The following ADGRL2 variants were observed in gnomAD, a reference collection of about 807,000 sequenced individuals.
The protein encoded by ADGRL2 is adhesion G protein-coupled receptor L2.
Under a neutral mutation model 157.4 loss-of-function variants are expected in ADGRL2, and 44 were observed. That is an observed-to-expected ratio of 0.28 (90% CI 0.22 to 0.36). The LOEUF (loss-of-function observed/expected upper bound fraction) is 0.36, where lower values mean the gene tolerates loss of function less well. Among genes scored for constraint, ADGRL2 ranks in the 10% least tolerant of loss-of-function variants. ADGRL2 has a pLI of 1.00. For missense variants in ADGRL2, 1,510 were observed against 1,768.9 expected, an observed-to-expected ratio of 0.85 and a Z score of 2.63; for synonymous variants, 585 against 624.7, an observed-to-expected ratio of 0.94 and a Z score of 0.95.
intron 3 of ADGRL2, among the ~76,000 whole-genome samples, chr1:81,928,883 C>T (rs1397302380): frequency 2.0e-5 from 3 of 151,272 alleles, no homozygotes; most frequent in Non-Finnish European, 4.4e-5. Context: ...TTAACTGAGA[C>T]AGACAGAAAG....
chr1:81,332,349 A>G (rs1192050244), intron 1 of ADGRL2, among the ~76,000 whole-genome samples: 1 of 152,156 alleles, frequency 6.6e-6, no homozygotes, highest in Non-Finnish European at 1.5e-5. Context: ...TATTATTAGT[A>G]TATTTGATCA....
chr1:81,323,512 C>A (rs1190200027), intron 1 of ADGRL2, among the ~76,000 whole-genome samples: 1 of 150,756 alleles, frequency 6.6e-6, no homozygotes, highest in Non-Finnish European at 1.5e-5. Context: ...CTCAGACTCC[C>A]AAAATGCTGG....
chr1:81,910,065 C>T (rs1197060305), intron 3 of ADGRL2, among the ~76,000 whole-genome samples: 5 of 151,790 alleles, frequency 3.3e-5, no homozygotes, highest in Non-Finnish European at 7.4e-5. Flanking sequence ...CATGGTGAAA[C>T]CCTGTCTCTA....
chr1:81,928,678 G>C (rs887778723), intron 3 of ADGRL2, among the ~76,000 whole-genome samples: 3 of 152,208 alleles, frequency 2.0e-5, no homozygotes, highest in African/African-American at 7.2e-5. Context: ...TTAAAGAACA[G>C]ATTCATATTG....
chr1:81,711,443 G>A (rs1570920096), intron 1 of ADGRL2, among the ~76,000 whole-genome samples: 1 of 152,212 alleles, frequency 6.6e-6, no homozygotes, highest in East Asian at 1.9e-4. Flanking sequence ...TCGGTAGTCT[G>A]TGAAAGTGCT....
chr1:81,589,655 C>T (rs2081094445), intron 3 of ADGRL2, among the ~76,000 whole-genome samples: 1 of 152,078 alleles, frequency 6.6e-6, no homozygotes, highest in Admixed American at 6.6e-5. Flanking sequence ...ACCTATGTAT[C>T]CTTTAAATCT....
chr1:81,618,611 A>G (rs2081716629), intron 3 of ADGRL2, among the ~76,000 whole-genome samples: 1 of 152,232 alleles, frequency 6.6e-6, no homozygotes, highest in Non-Finnish European at 1.5e-5. Flanking sequence ...GACTGTTCAC[A>G]TAGCAAATAG....
intron 1 of ADGRL2, among the ~76,000 whole-genome samples, chr1:81,428,082 A>T (rs1030463792): frequency 1.1e-4 from 16 of 152,190 alleles, no homozygotes; most frequent in African/African-American, 3.9e-4. Flanking sequence ...TAACAAGATC[A>T]TTGTTAATTA....
chr1:81,959,974 A>G (rs189959270), intron 11 of ADGRL2, among the ~76,000 whole-genome samples: 1 of 151,894 alleles, frequency 6.6e-6, no homozygotes. Context: ...CTAATTTTGT[A>G]TTTTTAGTTA....
At chr1:81,310,356 G>C (rs576166424) in intron 1 of ADGRL2, among the ~76,000 whole-genome samples, 1 of 152,254 alleles carries the variant, frequency 6.6e-6, no homozygotes, top group South Asian at 2.1e-4. Context: ...TATTACGCAT[G>C]TAACTCATAG....
At chr1:81,575,642 T>C (rs766890354) in intron 2 of ADGRL2, among the ~76,000 whole-genome samples, 6 of 152,160 alleles carry the variant, frequency 3.9e-5, no homozygotes, top group Admixed American at 6.6e-5. Flanking sequence ...ATTCAGAGAA[T>C]AGAAAAATAC....
intron 3 of ADGRL2, among the ~76,000 whole-genome samples, chr1:81,687,716 T>G (rs1201683177): frequency 1.3e-5 from 2 of 152,142 alleles, no homozygotes; most frequent in Non-Finnish European, 2.9e-5. Flanking sequence ...TTTTGTTTGT[T>G]TGTTTTTTGC....
At chr1:81,642,180 G>A (rs1281093269) in intron 3 of ADGRL2, among the ~76,000 whole-genome samples, 6 of 150,018 alleles carry the variant, frequency 4.0e-5, no homozygotes, top group Non-Finnish European at 7.4e-5. Flanking sequence ...CCCAGGAGGC[G>A]GAGCTTGCAG....
At chr1:81,585,177 T>C (rs1416112035) in intron 3 of ADGRL2, among the ~76,000 whole-genome samples, 1 of 152,122 alleles carries the variant, frequency 6.6e-6, no homozygotes, top group Non-Finnish European at 1.5e-5. Context: ...AATCTTAAAC[T>C]GTATGATCTA....
At chr1:81,837,109 A>G in intron 2 of ADGRL2, 52 bp downstream of exon 2, 2 of 990,794 alleles carry the variant, frequency 2.0e-6, no homozygotes, top group Non-Finnish European at 3.0e-6. Context: ...CTTGAACTAT[A>G]CAATCTTCTT....
intron 1 of ADGRL2, among the ~76,000 whole-genome samples, chr1:81,356,857 G>A (rs1166437241): frequency 4.7e-5 from 7 of 148,060 alleles, no homozygotes; most frequent in Non-Finnish European, 7.4e-5. Flanking sequence ...GGAGGCTGAG[G>A]CAGGAGAATG....
At chr1:81,987,688 T>C (rs888995486) in intron 22 of ADGRL2, among the ~76,000 whole-genome samples, 181 bp from the exon 23 acceptor site, 1 of 151,806 alleles carries the variant, frequency 6.6e-6, no homozygotes, top group African/African-American at 2.4e-5. Context: ...ATTTTCAAGA[T>C]TTTGGTAAAG....
intron 1 of ADGRL2, among the ~76,000 whole-genome samples, chr1:81,813,311 A>G (rs1402353520): frequency 2.6e-5 from 4 of 151,768 alleles, no homozygotes; most frequent in African/African-American, 4.8e-5. Context: ...AAGTAATAAT[A>G]TGACAAAAAT....
chr1:81,462,293 A>G (rs1009941595), intron 2 of ADGRL2, among the ~76,000 whole-genome samples: 2 of 152,240 alleles, frequency 1.3e-5, no homozygotes, highest in Non-Finnish European at 2.9e-5. Context: ...AGCATGCAGC[A>G]GCAACCTGCT....
Sources: allele counts gnomAD v4.1 joint callset (sites outside exome capture counted in the v4.1 genomes callset), GRCh38; gene constraint gnomAD v4.1.1; transcripts MANE v1.5; gene names NCBI Gene and HGNC (gene_info 2026-07-23, HGNC 2026-07-21).